The following NANOGNB variants were observed in gnomAD, a reference collection of about 807,000 sequenced individuals.
The protein encoded by NANOGNB is homeobox C14.
A neutral mutation model predicts 25.0 loss-of-function variants in NANOGNB; 30 were observed. The ratio of observed to expected loss-of-function variants is 1.20; its 90% CI spans 0.90 to 1.63. The LOEUF is 1.63. Ranked by LOEUF, NANOGNB falls within the 40% of genes most tolerant of loss-of-function variation. The pLI, the probability that NANOGNB is intolerant of heterozygous loss-of-function variation, is 0.00. For missense variants in NANOGNB, 200 were observed against 188.1 expected (o/e 1.06, Z -0.37); for synonymous variants, 84 against 62.1 (o/e 1.35, Z -1.66).
intron 1 of NANOGNB, 56 bp downstream of exon 1, chr12:7,765,443 G>A (rs1353151982): frequency 1.2e-5 from 4 of 346,208 alleles, no homozygotes; most frequent in Admixed American, 3.9e-5. Flanking sequence ...GGTGGCGGGC[G>A]CCTGTAGTCC....
At chr12:7,767,491 G>C (rs779226638) in intron 1 of NANOGNB, among the ~76,000 whole-genome samples, 1 of 151,506 alleles carries the variant, frequency 6.6e-6, no homozygotes, top group Admixed American at 6.6e-5. Context: ...TGAAGCTGAC[G>C]ATTTCGAGAC....
rs1373051639 is a variant in NANOGNB at position 7,770,144 on chromosome 12, A to G, written c.264A>G (p.Glu88=). The G allele has an allele frequency of 6.5e-7, 1 of 1,547,792 alleles. No individual in the cohort carries two copies. The highest frequency in any genetic ancestry group is 1.2e-5 in the South Asian group (1 of 83,844). Residue 88 remains glutamate, a synonymous_variant, in exon 2 of 4, where the codon GAA becomes GAG. Transcript: ENST00000382119. ...AAAACGAAAAGGAGCTGCAAGATGA[A>G]CAGGAAAACAAAAGGAAAAGGGAAA... ...EEKNEKELQD[E]QENKRKRENE...
rs1408625352 is a variant in NANOGNB at position 7,773,838 on chromosome 12, C to T, written c.554C>T (p.Pro185Leu). ...SLCCQGWSRTPALK is the reference protein window; with the variant it reads ...SLCCQGWSRTLALK Reference sequence around the variant, plus strand: ...TGTTGCCAAGGCTGGTCTCGAACTCCTGCCCTCAAGTGATCTTCCTATTTT... The same window carrying T: ...TGTTGCCAAGGCTGGTCTCGAACTCTTGCCCTCAAGTGATCTTCCTATTTT... Residue 185 changes from proline (P) to leucine (L), a missense_variant, in exon 4 of 4, where the codon CCT becomes CTT. Transcript: ENST00000382119. 1 of 637,996 alleles carries T rather than the reference C, an allele frequency of 1.6e-6. No individual in the cohort carries two copies. Among genetic ancestry groups the T allele is most frequent in the Non-Finnish European group, 2.8e-6 (1 of 361,928 alleles). The allele number at this position is 637,996 out of a possible 1,614,324, so 39.5% of individuals were successfully genotyped here.
Position 7,770,234 on chromosome 12 carries a change from G to A in NANOGNB, c.354G>A (p.Trp118Ter), listed in dbSNP as rs1165562657. The change falls in exon 2 of 4, where the codon TGG (tryptophan) becomes TGA (stop). Residue 118 changes from tryptophan (W) to a stop codon, truncating the protein, a stop_gained. Transcript: ENST00000382119. LOFTEE classifies it high-confidence loss of function. ...LVSKSLMHTL[W>*]AKFKLNRCPT... is the part of the protein sequence containing the mutation. ...GCAAATCCCTCATGCATACTCTCTG[G>A]GCAAAGTTTAAGTTAAACAGGTGCC... 2.6e-6 allele frequency: 4 copies of A among 1,550,912 alleles called. No individual in the cohort carries two copies. In the South Asian group the frequency reaches 3.6e-5, roughly 14 times the overall value.
chr12:7,772,191 G>A (rs748950831), intron 3 of NANOGNB, among the ~76,000 whole-genome samples: 1 of 152,330 alleles, frequency 6.6e-6, no homozygotes, highest in African/African-American at 2.4e-5. Flanking sequence ...GCCAGTGCAG[G>A]GAAATTGGCT....
chr12:7,766,839 GTTGT>G (rs985830825), intron 1 of NANOGNB, among the ~76,000 whole-genome samples: 9 of 151,192 alleles, frequency 6.0e-5, no homozygotes, highest in African/African-American at 9.7e-5. Flanking sequence ...TTGTTTTGTT[GTTGT>G]TTGTTTGTTT....
At chr12:7,769,311 C>A (rs1865271830) in intron 1 of NANOGNB, among the ~76,000 whole-genome samples, 1 of 149,992 alleles carries the variant, frequency 6.7e-6, no homozygotes, top group African/African-American at 2.5e-5. Context: ...ATGTGCCTGC[C>A]ACCATGCCTG....
Position 7,773,844 on chromosome 12 carries a change from T to G in NANOGNB, c.560T>G (p.Leu187Arg). The change falls in exon 4 of 4, where the codon CTC becomes CGC. Residue 187 changes from leucine to arginine, a missense_variant. Coordinates refer to ENST00000382119, the MANE Select transcript of NANOGNB (RefSeq NM_001145465.1). The part of the protein sequence containing the change: ...CCQGWSRTPA[L>R]K ...CAAGGCTGGTCTCGAACTCCTGCCC[T>G]CAAGTGATCTTCCTATTTTGGCCTC... 1 of 563,304 alleles carries G rather than the reference T, an allele frequency of 1.8e-6. No homozygotes were observed. The highest frequency in any genetic ancestry group is 3.2e-6 in the Non-Finnish European group (1 of 315,880). The allele number at this position is 563,304 out of a possible 1,614,324, so 34.9% of individuals were successfully genotyped here.
At chr12:7,768,369 C>G (rs1470012545) in intron 1 of NANOGNB, among the ~76,000 whole-genome samples, 8 of 152,060 alleles carry the variant, frequency 5.3e-5, no homozygotes, top group Non-Finnish European at 8.8e-5. Flanking sequence ...CCTCCATATT[C>G]ATAATGGACA....
intron 1 of NANOGNB, among the ~76,000 whole-genome samples, chr12:7,766,863 C>T (rs1865250819): frequency 6.6e-6 from 1 of 152,074 alleles, no homozygotes; most frequent in Non-Finnish European, 1.5e-5. Context: ...TGTTTTGAGA[C>T]TGAGTTTTGC....
intron 1 of NANOGNB, among the ~76,000 whole-genome samples, chr12:7,768,094 A>G (rs1281321371): frequency 6.6e-6 from 1 of 152,152 alleles, no homozygotes; most frequent in African/African-American, 2.4e-5. Flanking sequence ...ATAATAGTCT[A>G]TTGTATAGAT....
At position 7,765,232 on chromosome 12, in the gene NANOGNB, C is replaced by T; in HGVS notation, c.-54C>T. ...ATGGATGACATCTACCTTATCTGGT[C>T]GGTCATCTCTGTAACCTCCCTACCA... On this transcript the variant is annotated 5_prime_UTR_variant, in exon 1 of 4. Transcript: ENST00000382119. 1 of 1,285,944 alleles carries T rather than the reference C, an allele frequency of 7.8e-7. No homozygotes were observed. Among genetic ancestry groups the T allele is most frequent in the Non-Finnish European group, 1.0e-6 (1 of 986,564 alleles). The allele number at this position is 1,285,944 out of a possible 1,614,324, so 79.7% of individuals were successfully genotyped here.
rs781482439 is a variant in NANOGNB at position 7,770,012 on chromosome 12, T to C, written c.132T>C (p.Asp44=). 594 of 1,525,848 alleles carry C rather than the reference T, an allele frequency of 3.9e-4. No individual in the cohort carries two copies. Among genetic ancestry groups the C allele is most frequent in the Non-Finnish European group, 4.3e-4 (489 of 1,140,880 alleles). The allele number at this position is 1,525,848 out of a possible 1,614,324, so 94.5% of individuals were successfully genotyped here. A position where few individuals can be genotyped will look rare whatever the true frequency, so the allele number is the denominator to read the frequency against. ...AATCAGCTATGCCTTGGGATCAAGA[T>C]CCAGAACAATCAACTGGAAATTACA... is the stretch of plus-strand genomic sequence containing the variant. ...KKQSAMPWDQ[D]PEQSTGNYSE... is the part of the protein sequence containing the mutation. The change falls in exon 2 of 4, where the codon GAT becomes GAC. Residue 44 remains aspartate, a synonymous_variant. Coordinates refer to ENST00000382119, the MANE Select transcript of NANOGNB (RefSeq NM_001145465.1).
chr12:7,773,779 T>C (rs1862610698), intron 3 of NANOGNB, 21 bp from the exon 4 acceptor site: 1 of 637,256 alleles, frequency 1.6e-6, no homozygotes, highest in Non-Finnish European at 2.8e-6. Context: ...AACTCTTTTT[T>C]TTTTTTTTTT....
rs375605158 is a variant in NANOGNB at position 7,768,618 on chromosome 12, C to T, written c.103-1365C>T. ...CAGGATGTCAGCTCACTGCAAGCTC[C>T]GCCTCCCTGGTTCTTGCCATTCTCC... On this transcript the variant is annotated intron_variant, in intron 1 of 3. Coordinates refer to ENST00000382119, the MANE Select transcript of NANOGNB (RefSeq NM_001145465.1). 7.6e-4 allele frequency among the ~76,000 whole-genome samples: 115 copies of T among 152,018 alleles called. 2 individuals are homozygous for T. The South Asian group carries it at 0.023, about 30-fold the overall frequency.
chr12:7,771,120 T>G (rs1865288726), intron 3 of NANOGNB, among the ~76,000 whole-genome samples: 14 of 152,228 alleles, frequency 9.2e-5, no homozygotes, highest in Admixed American at 9.2e-4. Flanking sequence ...GTTCCTTTGA[T>G]GCTAAATATA....
Position 7,770,057 on chromosome 12 carries a change from A to G in NANOGNB, c.177A>G (p.Gly59=), listed in dbSNP as rs1357847720. The G allele has an allele frequency of 6.5e-7, 1 of 1,541,314 alleles. No individual in the cohort carries two copies. The highest frequency in any genetic ancestry group is 2.2e-4 in the Middle Eastern group (1 of 4,620). ...ATTACAGTGAAGATGAACAAAATGG[A>G]AAGCAGAAATGGAGAGAAGAAGGAG... ...TGNYSEDEQN[G]KQKWREEGEA... The change falls in exon 2 of 4, where the codon GGA becomes GGG. Residue 59 remains glycine (G), a synonymous_variant. Transcript: ENST00000382119.
At chr12:7,773,589 G>A (rs933599421) in intron 3 of NANOGNB, among the ~76,000 whole-genome samples, 1 of 137,896 alleles carries the variant, frequency 7.3e-6, no homozygotes, top group African/African-American at 2.7e-5. Flanking sequence ...AGCCAGGCTT[G>A]GTGGCAGGTG....
In NANOGNB at chr12:7,770,163, A is replaced by C; in HGVS notation, c.283A>C (p.Arg95=). 6.4e-7 allele frequency: 1 copy of C among 1,550,794 alleles called. No homozygotes were observed. The highest frequency in any genetic ancestry group is 8.7e-7 in the Non-Finnish European group (1 of 1,146,084). ...AGATGAACAGGAAAACAAAAGGAAAAGGGAAAATGAGAAACAGAAACAGTA... is the reference window on the plus strand; with the variant it reads ...AGATGAACAGGAAAACAAAAGGAAACGGGAAAATGAGAAACAGAAACAGTA... ...LQDEQENKRK[R]ENEKQKQYPE... The change falls in exon 2 of 4, where the codon AGG becomes CGG. Residue 95 remains arginine (R), a synonymous_variant. Coordinates refer to ENST00000382119, the MANE Select transcript of NANOGNB (RefSeq NM_001145465.1).
Sources: gnomAD v4.1 joint callset for allele counts (sites outside exome capture counted in the v4.1 genomes callset) on GRCh38, gnomAD v4.1.1 for gene constraint, MANE v1.5 for transcripts, NCBI Gene and HGNC (gene_info 2026-07-23, HGNC 2026-07-21) for gene names.